Variants in PI4K2B observed in about 807,000 individuals in gnomAD.
PI4K2B encodes phosphatidylinositol 4-kinase type 2 beta, also known as phosphatidylinositol 4-kinase type 2-beta.
PI4K2B carries 46 observed loss-of-function variants against 56.6 expected under a neutral mutation model. The observed-to-expected ratio is 0.81, with a 90% CI of 0.64 to 1.04. PI4K2B has a LOEUF of 1.04. PI4K2B is among the 50% of genes least tolerant of loss of function. The probability of loss-of-function intolerance (pLI) is 0.00; values close to 1 mark genes in which losing one functional copy is unlikely to be tolerated. For synonymous variants in PI4K2B, 211 were observed against 223.8 expected, an observed-to-expected ratio of 0.94 and a Z score of 0.51; for missense variants, 556 against 607.7, an observed-to-expected ratio of 0.91 and a Z score of 0.89.
intron 7 of PI4K2B, among the ~76,000 whole-genome samples, chr4:25,267,347 C>G (rs958064676): frequency 2.6e-5 from 4 of 152,220 alleles, no homozygotes; most frequent in African/African-American, 9.7e-5. Context: ...AGGGGAAATG[C>G]TTTCTTTAGA....
At chr4:25,244,989 C>T (rs1269963716) in intron 1 of PI4K2B, among the ~76,000 whole-genome samples, 10 of 152,108 alleles carry the variant, frequency 6.6e-5, no homozygotes, top group African/African-American at 1.9e-4. Context: ...AGAGCCATAC[C>T]CTGAGGGAGG....
At chr4:25,248,809 A>AT (rs1218378768) in intron 1 of PI4K2B, among the ~76,000 whole-genome samples, 1 of 151,864 alleles carries the variant, frequency 6.6e-6, no homozygotes, top group African/African-American at 2.4e-5. Context: ...TTTTATTTTT[A>AT]TTTTTTTAAT....
chr4:25,255,545 G>A (rs1716233000), intron 3 of PI4K2B, among the ~76,000 whole-genome samples: 1 of 152,206 alleles, frequency 6.6e-6, no homozygotes, highest in Non-Finnish European at 1.5e-5. Context: ...GGGATCCAGA[G>A]ATCCTATTGA....
At chr4:25,271,353 G>A (rs916007317) in intron 9 of PI4K2B, among the ~76,000 whole-genome samples, 1 of 152,222 alleles carries the variant, frequency 6.6e-6, no homozygotes, top group Admixed American at 6.5e-5. Flanking sequence ...CCTTGAAATT[G>A]TGTATGAAAT....
rs778509196 is a variant in PI4K2B, at chr4:25,269,195, A to G, written c.1264A>G (p.Arg422Gly). ...ATFESQMSVM[R>G]GQILNLTQAL... ...TTTTGAAAGTCAGATGTCTGTGATG[A>G]GGGGTCAGGTAAGTTACCTTTTTAT... Residue 422 changes from arginine (R) to glycine (G), a missense_variant, in exon 9 of 10, where the codon AGG (arginine) becomes GGG (glycine). Physicochemically the swap from Arg to Gly is moderately radical, Grantham distance 125. Transcript: ENST00000264864. The G allele has an allele frequency of 6.4e-7, 1 of 1,551,036 alleles. No homozygotes were observed. Among genetic ancestry groups the G allele is most frequent in the South Asian group, 1.1e-5 (1 of 89,652 alleles).
At chr4:25,241,806 T>C (rs942080116) in intron 1 of PI4K2B, among the ~76,000 whole-genome samples, 9 of 152,202 alleles carry the variant, frequency 5.9e-5, no homozygotes, top group Non-Finnish European at 1.3e-4. Flanking sequence ...CTCCAAGAGC[T>C]ATCTCGGCTC....
At position 25,274,078 on chromosome 4, in the gene PI4K2B, A is replaced by G. The variant is rs74676245; in HGVS notation, c.1273-2936A>G. Among the ~76,000 whole-genome samples, 1,177 of 152,262 alleles carry G rather than the reference A, an allele frequency of 7.7e-3. 14 individuals are homozygous for G. The highest frequency in any genetic ancestry group is 0.027 in the Middle Eastern group (8 of 294). On this transcript the variant is annotated intron_variant, in intron 9 of 9. Coordinates refer to ENST00000264864, the MANE Select transcript of PI4K2B (RefSeq NM_018323.4). ...CTGATTTTTGCAGCACTCCCTGGGA[A>G]TATGCTGGTGTCACATTTTACTCAG...
chr4:25,243,479 C>T (rs929123242), intron 1 of PI4K2B, among the ~76,000 whole-genome samples: 49 of 152,166 alleles, frequency 3.2e-4, no homozygotes, highest in African/African-American at 6.3e-4. Flanking sequence ...ACTAAGGCTG[C>T]GGCCTTTCTC....
At chr4:25,235,664 G>A (rs1715230673) in intron 1 of PI4K2B, among the ~76,000 whole-genome samples, 1 of 152,200 alleles carries the variant, frequency 6.6e-6, no homozygotes, top group African/African-American at 2.4e-5. Context: ...CATTTGCCTA[G>A]CTACATTGGC....
At position 25,256,693 on chromosome 4, in the gene PI4K2B, CTG is replaced by C. The variant is rs748475325; in HGVS notation, c.756+21_756+22del. On this transcript the variant is annotated intron_variant, in intron 4 of 9. Coordinates refer to ENST00000264864, the MANE Select transcript of PI4K2B (RefSeq NM_018323.4). ...TCCTAAGGTAAGTTTCTCTGATAAG[CTG>C]TATTTAGAGGGCATTTGGGCACATA... is the stretch of plus-strand genomic sequence containing the variant. 1.2e-6 allele frequency: 2 copies of C among 1,610,286 alleles called. No homozygotes were observed. Among genetic ancestry groups the C allele is most frequent in the South Asian group, 2.2e-5 (2 of 90,726 alleles).
intron 4 of PI4K2B, among the ~76,000 whole-genome samples, chr4:25,258,298 C>G (rs1411561469): frequency 6.7e-6 from 1 of 149,198 alleles, no homozygotes; most frequent in Admixed American, 6.7e-5. Flanking sequence ...ACCTCTGCCT[C>G]CCGAGTTCAA....
At chr4:25,276,203 T>C (rs925062650) in intron 9 of PI4K2B, 2 of 154,492 alleles carry the variant, frequency 1.3e-5, no homozygotes, top group Admixed American at 6.5e-5. Context: ...TGAACTGCTA[T>C]AATTTTATTT....
At chr4:25,241,754 A>G (rs1015587592) in intron 1 of PI4K2B, among the ~76,000 whole-genome samples, 5 of 152,220 alleles carry the variant, frequency 3.3e-5, no homozygotes, top group African/African-American at 4.8e-5. Context: ...TTACTTAGGT[A>G]TGCCACTGGT....
chr4:25,261,083 G>A (rs909016454), intron 6 of PI4K2B, among the ~76,000 whole-genome samples: 2 of 151,748 alleles, frequency 1.3e-5, no homozygotes, highest in African/African-American at 4.8e-5. Flanking sequence ...AATAATACCT[G>A]CCTAGTACTT....
intron 4 of PI4K2B, 145 bp from the exon 5 acceptor site, chr4:25,258,892 T>TGA: frequency 4.3e-6 from 2 of 468,000 alleles, no homozygotes; most frequent in Non-Finnish European, 7.6e-6. Context: ...ATGGTTTTCT[T>TGA]GATAAATGTG....
intron 1 of PI4K2B, among the ~76,000 whole-genome samples, chr4:25,245,352 A>ACC (rs1282809973): frequency 2.6e-5 from 4 of 152,122 alleles, no homozygotes; most frequent in Admixed American, 2.6e-4. Flanking sequence ...AGGCACTAGG[A>ACC]CCCAGGGGGT....
intron 1 of PI4K2B, among the ~76,000 whole-genome samples, chr4:25,251,474 A>G (rs1325827600): frequency 1.3e-5 from 2 of 152,126 alleles, no homozygotes; most frequent in Non-Finnish European, 2.9e-5. Flanking sequence ...TGATTTTGTG[A>G]AGACCCAGCA....
intron 5 of PI4K2B, 75 bp downstream of exon 5, chr4:25,259,265 C>A: frequency 9.5e-7 from 1 of 1,057,892 alleles, no homozygotes; most frequent in Non-Finnish European, 1.4e-6. Flanking sequence ...CAAATCAAAG[C>A]GGTAAACTTT....
chr4:25,277,363 C>T lies in PI4K2B; in HGVS notation c.*176C>T, dbSNP rs1302199620. 3.0e-6 allele frequency: 2 copies of T among 675,914 alleles called. No homozygotes were observed. The highest frequency in any genetic ancestry group is 7.7e-5 in the South Asian group (2 of 26,138). 41.9% of individuals were successfully genotyped at this position (675,914 alleles called of 1,614,324 possible). Reference sequence around the variant, plus strand: ...AGTTTTTTGTCCAAATATTAAATTTCTATTTCAGGGAAGAAGTGCTATATC... The same window carrying T: ...AGTTTTTTGTCCAAATATTAAATTTTTATTTCAGGGAAGAAGTGCTATATC... On this transcript the variant is annotated 3_prime_UTR_variant, in exon 10 of 10. Transcript: ENST00000264864.
Sources: allele counts gnomAD v4.1 joint callset (sites outside exome capture counted in the v4.1 genomes callset), GRCh38; gene constraint gnomAD v4.1.1; transcripts MANE v1.5; gene names NCBI Gene and HGNC (gene_info 2026-07-23, HGNC 2026-07-21).